Variants in ORC5 observed in about 807,000 individuals in gnomAD.
ORC5 encodes the protein protein phosphatase 1, regulatory subunit 117.
Under a neutral mutation model 58.8 loss-of-function variants are expected in ORC5, and 39 were observed. That is an observed-to-expected ratio of 0.66 (90% CI 0.51 to 0.87). The LOEUF (loss-of-function observed/expected upper bound fraction) is 0.87, where lower values mean the gene tolerates loss of function less well. Ranked by LOEUF, ORC5 falls within the 40% of genes least tolerant of loss-of-function variation. The probability of loss-of-function intolerance (pLI) is 0.00; values close to 1 mark genes in which losing one functional copy is unlikely to be tolerated. For synonymous variants in ORC5, 218 were observed against 177.6 expected (o/e 1.23, Z -1.81); for missense variants, 493 against 506.3 (o/e 0.97, Z 0.25).
chr7:104,183,451 A>G (rs1306750497), intron 8 of ORC5, among the ~76,000 whole-genome samples: 1 of 152,236 alleles, frequency 6.6e-6, no homozygotes, highest in Non-Finnish European at 1.5e-5. Flanking sequence ...ATTAAAAGAA[A>G]AAAGTTGTCA....
In ORC5 at chr7:104,168,459, A is replaced by G. The variant is rs746556759; in HGVS notation, c.877+14T>C. On this transcript the variant is annotated intron_variant, in intron 9 of 13. Transcript: ENST00000297431. ...AAGTATCTCCGGTAACTGTCTCAAT[A>G]CTTCCTCTGATACCTTTCAGTTGCC... 4.4e-6 allele frequency: 7 copies of G among 1,609,080 alleles called. No individual in the cohort carries two copies. In the South Asian group the frequency reaches 7.8e-5, roughly 18 times the overall value.
At chr7:104,176,742 AAAAT>A (rs1799330023) in intron 8 of ORC5, among the ~76,000 whole-genome samples, 1 of 152,218 alleles carries the variant, frequency 6.6e-6, no homozygotes, top group East Asian at 1.9e-4. Context: ...TTTAAATATA[AAAAT>A]AAATAAGCAA....
At chr7:104,204,596 A>G (rs1562832783) in intron 1 of ORC5, among the ~76,000 whole-genome samples, 1 of 150,882 alleles carries the variant, frequency 6.6e-6, no homozygotes, top group Non-Finnish European at 1.5e-5. Flanking sequence ...ACTCCTTCTT[A>G]AAGACTCTTA....
At chr7:104,206,415 C>T (rs1800085094) in intron 1 of ORC5, among the ~76,000 whole-genome samples, 1 of 152,182 alleles carries the variant, frequency 6.6e-6, no homozygotes, top group Non-Finnish European at 1.5e-5. Flanking sequence ...TGATCCACCA[C>T]TAAGTTTACT....
At chr7:104,191,037 A>G (rs778917421) in intron 5 of ORC5, among the ~76,000 whole-genome samples, 9 of 150,250 alleles carry the variant, frequency 6.0e-5, no homozygotes, top group Non-Finnish European at 1.0e-4. Context: ...TTCAAAGCCT[A>G]GTTTTATACT....
chr7:104,138,426 T>C lies in ORC5; in HGVS notation c.1150-1533A>G, dbSNP rs1215708268. 6.6e-6 allele frequency among the ~76,000 whole-genome samples: 1 copy of C among 152,178 alleles called. No homozygotes were observed. Among genetic ancestry groups the C allele is most frequent in the African/African-American group, 2.4e-5 (1 of 41,434 alleles). On this transcript the variant is annotated intron_variant, in intron 12 of 13. Coordinates refer to ENST00000297431, the MANE Select transcript of ORC5 (RefSeq NM_002553.4). This position sits in a 1 kb window ranked among gnomAD's most constrained non-coding sequence, Gnocchi z 4.7. ...TATGGATTTAGGTCTTTTTAAGAGT[T>C]AGGTAGCTGGTTAGATGAGAGATAA...
chr7:104,131,800 C>A (rs1278812968), intron 13 of ORC5, among the ~76,000 whole-genome samples: 1 of 150,112 alleles, frequency 6.7e-6, no homozygotes, highest in South Asian at 2.1e-4. Flanking sequence ...TGCAGTGAGC[C>A]GAGATCGTGC....
intron 2 of ORC5, among the ~76,000 whole-genome samples, chr7:104,203,194 T>C (rs1435434868): frequency 1.3e-5 from 2 of 152,198 alleles, no homozygotes; most frequent in Non-Finnish European, 2.9e-5. Flanking sequence ...CACAGTTCAG[T>C]ATGCTATCCT....
intron 12 of ORC5, among the ~76,000 whole-genome samples, chr7:104,137,809 C>T (rs1798614347): frequency 6.6e-6 from 1 of 152,150 alleles, no homozygotes; most frequent in Non-Finnish European, 1.5e-5. Flanking sequence ...GAGCTACTTC[C>T]ACTATTCAAT....
At chr7:104,202,013 C>G (rs4729963) in intron 2 of ORC5, among the ~76,000 whole-genome samples, 47,508 of 151,900 alleles carry the variant, frequency 0.31, 8,036 homozygotes, top group East Asian at 0.52. Context: ...TCACTTGAGC[C>G]CAGGAATTCA....
intron 13 of ORC5, 142 bp from the exon 14 acceptor site, chr7:104,127,035 G>C (rs1353082601): frequency 2.1e-6 from 1 of 466,034 alleles, no homozygotes; most frequent in Non-Finnish European, 3.9e-6. Context: ...TGATAGGACT[G>C]ACATTAATTC....
chr7:104,180,802 A>G (rs1799417117), intron 8 of ORC5, among the ~76,000 whole-genome samples: 1 of 152,052 alleles, frequency 6.6e-6, no homozygotes, highest in Admixed American at 6.5e-5. Context: ...GAGATCTAAT[A>G]TATCATCAAG....
chr7:104,182,106 C>A (rs1272342414), intron 8 of ORC5, among the ~76,000 whole-genome samples: 2 of 152,180 alleles, frequency 1.3e-5, no homozygotes, highest in African/African-American at 2.4e-5. Flanking sequence ...CCCAATCCAA[C>A]TTTCTTCTAT....
intron 13 of ORC5, among the ~76,000 whole-genome samples, chr7:104,135,976 T>C (rs534415044): frequency 7.2e-5 from 11 of 152,318 alleles, no homozygotes; most frequent in African/African-American, 2.4e-4. Flanking sequence ...TGCAACCGTA[T>C]GATGAAGTCA....
At chr7:104,151,173 T>C (rs764937098) in intron 12 of ORC5, among the ~76,000 whole-genome samples, 7 of 152,128 alleles carry the variant, frequency 4.6e-5, no homozygotes, top group Admixed American at 2.6e-4. Context: ...TGCTATTGAA[T>C]GTAGACTTGG....
chr7:104,139,793 T>C (rs1190805770), intron 12 of ORC5, among the ~76,000 whole-genome samples: 1 of 152,050 alleles, frequency 6.6e-6, no homozygotes, highest in African/African-American at 2.4e-5. Flanking sequence ...TATTGCTTTG[T>C]TACATATATG....
At chr7:104,135,158 T>C (rs1798570152) in intron 13 of ORC5, among the ~76,000 whole-genome samples, 1 of 152,146 alleles carries the variant, frequency 6.6e-6, no homozygotes, top group Non-Finnish European at 1.5e-5. Context: ...ATGATTATAC[T>C]GGGGCACAAC....
At chr7:104,199,496 G>A (rs938006680) in intron 3 of ORC5, among the ~76,000 whole-genome samples, 2 of 152,188 alleles carry the variant, frequency 1.3e-5, no homozygotes, top group South Asian at 4.1e-4. Context: ...AGATCATTTT[G>A]GAACTTTAAA....
In ORC5 at chr7:104,172,999, G is replaced by A. The variant is rs1658979232; in HGVS notation, c.825-4474C>T. 3.4e-5 allele frequency among the ~76,000 whole-genome samples: 5 copies of A among 148,074 alleles called. No homozygotes were observed. In the South Asian group the frequency reaches 1.1e-3, roughly 31 times the overall value. On this transcript the variant is annotated intron_variant, in intron 8 of 13. Transcript: ENST00000297431. The stretch of plus-strand genomic sequence containing the variant: ...TTCCAGGTTAAAAAAAAAAAAAAAG[G>A]CTTTGTTACAAATTGTGTAACATAA...
Sources: gnomAD v4.1 joint callset for allele counts (sites outside exome capture counted in the v4.1 genomes callset) on GRCh38, gnomAD v4.1.1 for gene constraint, Gnocchi (gnomAD v3.1) non-coding constraint, MANE v1.5 for transcripts, NCBI Gene and HGNC (gene_info 2026-07-23, HGNC 2026-07-21) for gene names.